GABPA: variants seen among roughly 807,000 people sequenced by gnomAD.
The protein encoded by GABPA is GA binding protein transcription factor subunit alpha.
In GABPA, 4 loss-of-function variants were observed where a neutral mutation model predicts 59.4. That is an observed-to-expected ratio of 0.07 (90% CI 0.03 to 0.15). The LOEUF (loss-of-function observed/expected upper bound fraction) is 0.15. Ranked by LOEUF, GABPA falls within the 10% of genes least tolerant of loss-of-function variation. The probability of loss-of-function intolerance (pLI) is 1.00; values close to 1 mark genes in which losing one functional copy is unlikely to be tolerated. For missense variants in GABPA, 251 were observed against 543.8 expected (o/e 0.46, Z 5.36); for synonymous variants, 164 against 183.1 (o/e 0.90, Z 0.84).
intron 6 of GABPA, among the ~76,000 whole-genome samples, chr21:25,761,739 C>G (rs960291696): frequency 6.6e-6 from 1 of 152,014 alleles, no homozygotes; most frequent in Middle Eastern, 3.2e-3. Flanking sequence ...TATCTCAGGA[C>G]CTTTATAGTA....
intron 7 of GABPA, chr21:25,763,029 C>T: frequency 2.8e-6 from 1 of 361,938 alleles, no homozygotes. Context: ...TATTCTTTAC[C>T]TTTGATTCAT....
Position 25,758,077 on chromosome 21 carries a change from G to A in GABPA, c.621G>A (p.Met207Ile), listed in dbSNP as rs1450588784. 2 of 1,606,860 alleles carry A rather than the reference G, an allele frequency of 1.2e-6. No homozygotes were observed. The highest frequency in any genetic ancestry group is 1.7e-6 in the Non-Finnish European group (2 of 1,177,080). Reference sequence around the variant, plus strand: ...TTTGGGTAATGAAGGAATTCAGCATGACCGATATAGACCTCACCACACTCA... The same window carrying A: ...TTTGGGTAATGAAGGAATTCAGCATAACCGATATAGACCTCACCACACTCA... Reference protein sequence around the residue: ...WVVWVMKEFSMTDIDLTTLNI... With the variant: ...WVVWVMKEFSITDIDLTTLNI... The change falls in exon 6 of 10, where the codon ATG becomes ATA. Residue 207 changes from methionine (M) to isoleucine (I), a missense_variant. Met to Ile is a conservative substitution (Grantham distance 10). Around this residue, in one of 4 missense-constraint regions of GABPA, gnomAD observed 207 missense variants for 366.7 expected, o/e 0.56. Transcript: ENST00000400075.
At chr21:25,744,409 CT>C (rs2035307780) in intron 2 of GABPA, among the ~76,000 whole-genome samples, 1 of 152,128 alleles carries the variant, frequency 6.6e-6, no homozygotes, top group Non-Finnish European at 1.5e-5. Flanking sequence ...TCTCATTTTA[CT>C]TGTAATTTAT....
At chr21:25,763,246 T>C in intron 7 of GABPA, 1 of 441,012 alleles carries the variant, frequency 2.3e-6, no homozygotes, top group Non-Finnish European at 4.4e-6. Flanking sequence ...GAGAATACTT[T>C]TAAGCCTGCT....
At chr21:25,762,213 C>G in intron 6 of GABPA, 99 bp from the exon 7 acceptor site, 2 of 624,500 alleles carry the variant, frequency 3.2e-6, no homozygotes, top group Non-Finnish European at 5.6e-6. Context: ...TTGTGGAGTT[C>G]TTTTTAAAAG....
At chr21:25,736,095 T>C (rs2035049428) in intron 1 of GABPA, among the ~76,000 whole-genome samples, 1 of 152,174 alleles carries the variant, frequency 6.6e-6, no homozygotes, top group African/African-American at 2.4e-5. Context: ...TGTTTTTTTG[T>C]TTTTAAGCAA....
chr21:25,768,960 C>G, intron 9 of GABPA, 44 bp from the exon 10 acceptor site: 1 of 482,636 alleles, frequency 2.1e-6, no homozygotes, highest in Non-Finnish European at 3.3e-6. Context: ...TGTAAGAAGT[C>G]TCATTTTTTC....
chr21:25,741,233 TCCTC>T (rs976606959), intron 1 of GABPA, among the ~76,000 whole-genome samples: 1 of 152,228 alleles, frequency 6.6e-6, no homozygotes, highest in Non-Finnish European at 1.5e-5. Context: ...GCTCAGGTGA[TCCTC>T]CCACCTCAGC....
intron 2 of GABPA, among the ~76,000 whole-genome samples, chr21:25,743,969 G>C (rs1050719005): frequency 6.6e-6 from 1 of 150,504 alleles, no homozygotes; most frequent in African/African-American, 2.5e-5. Flanking sequence ...GCTTGAACTC[G>C]GGAGGCGGAG....
chr21:25,754,781 G>A (rs1180475688), intron 5 of GABPA, among the ~76,000 whole-genome samples: 1 of 152,200 alleles, frequency 6.6e-6, no homozygotes, highest in Non-Finnish European at 1.5e-5. Context: ...GCCAGGCACA[G>A]TGGCTCATGC....
intron 5 of GABPA, among the ~76,000 whole-genome samples, chr21:25,757,518 C>T (rs191311576): frequency 6.6e-6 from 1 of 152,126 alleles, no homozygotes; most frequent in East Asian, 1.9e-4. Flanking sequence ...ATTGGAAATG[C>T]ATCATAAGGG....
intron 4 of GABPA, among the ~76,000 whole-genome samples, chr21:25,749,984 T>TATA (rs778276593): frequency 7.2e-5 from 11 of 152,358 alleles, no homozygotes; most frequent in Non-Finnish European, 8.8e-5. Context: ...TTGTATCTAT[T>TATA]ATTACTACAT....
chr21:25,743,382 G>A (rs1476381395), intron 2 of GABPA, among the ~76,000 whole-genome samples: 1 of 152,158 alleles, frequency 6.6e-6, no homozygotes, highest in Non-Finnish European at 1.5e-5. Context: ...TTGGAGTCTA[G>A]CATGCATATA....
At chr21:25,746,261 TGCCTTG>T (rs2035362103) in intron 3 of GABPA, among the ~76,000 whole-genome samples, 1 of 152,142 alleles carries the variant, frequency 6.6e-6, no homozygotes, top group Admixed American at 6.5e-5. Context: ...GTGATCCGCC[TGCCTTG>T]GCCTCCCAAA....
chr21:25,760,933 C>G (rs915404576), intron 6 of GABPA, among the ~76,000 whole-genome samples: 2 of 151,994 alleles, frequency 1.3e-5, no homozygotes, highest in Non-Finnish European at 2.9e-5. Context: ...AAACTCCAAT[C>G]TGAGAATTAG....
chr21:25,768,839 G>T (rs1601160859), intron 9 of GABPA, among the ~76,000 whole-genome samples, 165 bp from the exon 10 acceptor site: 1 of 152,092 alleles, frequency 6.6e-6, no homozygotes, highest in African/African-American at 2.4e-5. Flanking sequence ...ATGTTGGGAT[G>T]TTTCATTTGA....
intron 6 of GABPA, among the ~76,000 whole-genome samples, chr21:25,759,599 GTTTT>G: frequency 6.6e-6 from 1 of 152,066 alleles, no homozygotes; most frequent in East Asian, 1.9e-4. Context: ...TCTCCCAGAT[GTTTT>G]TTTTAAGTAT....
chr21:25,735,032 T>C lies in GABPA; in HGVS notation c.-573T>C, dbSNP rs2025315901. The stretch of plus-strand genomic sequence containing the variant: ...GAGACAGTCTGCGACCGGACGGGTC[T>C]AGGTGAGACAGAAGCCAAACAGGAG... On this transcript the variant is annotated 5_prime_UTR_variant, in exon 1 of 10. Coordinates refer to ENST00000400075, the MANE Select transcript of GABPA (RefSeq NM_002040.4). 3.4e-6 allele frequency: 5 copies of C among 1,477,190 alleles called. No individual in the cohort carries two copies. The African/African-American group carries it at 5.6e-5, about 16-fold the overall frequency. The allele number at this position is 1,477,190 out of a possible 1,614,324, so 91.5% of individuals were successfully genotyped here. A position where few individuals can be genotyped will look rare whatever the true frequency, so the allele number is the denominator to read the frequency against.
At chr21:25,757,622 C>A (rs949443893) in intron 5 of GABPA, among the ~76,000 whole-genome samples, 10 of 151,958 alleles carry the variant, frequency 6.6e-5, no homozygotes, top group Non-Finnish European at 1.5e-4. Flanking sequence ...TTCTTAGAAT[C>A]CCCTTTTGAT....
Sources: allele counts gnomAD v4.1 joint callset (sites outside exome capture counted in the v4.1 genomes callset), GRCh38; gene constraint gnomAD v4.1.1; regional missense constraint gnomAD v4.1.1; transcripts MANE v1.5; gene names NCBI Gene and HGNC (gene_info 2026-07-23, HGNC 2026-07-21).